The following EDIL3 variants were observed in gnomAD, a reference collection of about 807,000 sequenced individuals.
The protein encoded by EDIL3 is EGF-like repeat and discoidin I-like domain-containing protein 3.
A neutral mutation model predicts 67.4 loss-of-function variants in EDIL3; 37 were observed. The ratio of observed to expected loss-of-function variants is 0.55; its 90% CI spans 0.42 to 0.72. The LOEUF (loss-of-function observed/expected upper bound fraction) is 0.72, where lower values mean the gene tolerates loss of function less well. Ranked by LOEUF, EDIL3 falls within the 30% of genes least tolerant of loss-of-function variation. EDIL3 has a pLI of 0.00. For synonymous variants in EDIL3, 195 were observed against 196.3 expected, an observed-to-expected ratio of 0.99 and a Z score of 0.05; for missense variants, 527 against 586.3, an observed-to-expected ratio of 0.90 and a Z score of 1.04.
At chr5:84,022,141 G>T (rs1745728952) in intron 9 of EDIL3, among the ~76,000 whole-genome samples, 2 of 151,764 alleles carry the variant, frequency 1.3e-5, no homozygotes, top group South Asian at 4.1e-4. Context: ...AATTCATGAT[G>T]AATATAGATG....
rs142351985 is a variant in EDIL3 at position 84,240,703 on chromosome 5, C to T, written c.197-10819G>A. Among the ~76,000 whole-genome samples, 111 of 152,276 alleles carry T rather than the reference C, an allele frequency of 7.3e-4. 1 individual carries two copies. In the East Asian group the frequency reaches 0.021, roughly 29 times the overall value. On this transcript the variant is annotated intron_variant, in intron 2 of 10. Transcript: ENST00000296591. Reference sequence around the variant, plus strand: ...GGTCCATGGAAAAAATTGTCTTCCACGAAACTGGTTCCTGGTGCCAAAAAG... The same window carrying T: ...GGTCCATGGAAAAAATTGTCTTCCATGAAACTGGTTCCTGGTGCCAAAAAG...
chr5:84,238,154 T>C (rs1023215936), intron 2 of EDIL3, among the ~76,000 whole-genome samples: 9 of 152,146 alleles, frequency 5.9e-5, no homozygotes, highest in Non-Finnish European at 1.3e-4. Context: ...ACGGTGTGTG[T>C]GTGTGTGTAT....
At chr5:84,172,277 C>T (rs1029322580) in intron 4 of EDIL3, among the ~76,000 whole-genome samples, 11 of 152,052 alleles carry the variant, frequency 7.2e-5, no homozygotes, top group Admixed American at 2.0e-4. Flanking sequence ...TAAAAATTTA[C>T]GCAGTTTTTG....
intron 6 of EDIL3, among the ~76,000 whole-genome samples, chr5:84,082,202 ACC>A (rs1746983229): frequency 6.6e-6 from 1 of 152,178 alleles, no homozygotes. Context: ...AATACTCTAC[ACC>A]TTTCCATGTG....
intron 6 of EDIL3, among the ~76,000 whole-genome samples, chr5:84,068,580 A>G (rs965500231): frequency 1.3e-5 from 2 of 152,198 alleles, no homozygotes; most frequent in Non-Finnish European, 2.9e-5. Flanking sequence ...CTCTGCATAT[A>G]TATTTTAGGA....
At chr5:84,259,605 T>G (rs1745188013) in intron 1 of EDIL3, among the ~76,000 whole-genome samples, 1 of 152,210 alleles carries the variant, frequency 6.6e-6, no homozygotes, top group Non-Finnish European at 1.5e-5. Context: ...CATTGCAGGC[T>G]AAATTTAACT....
intron 3 of EDIL3, among the ~76,000 whole-genome samples, chr5:84,227,173 T>C (rs1313603821): frequency 6.6e-6 from 1 of 151,820 alleles, no homozygotes; most frequent in African/African-American, 2.4e-5. Flanking sequence ...TTAAGAAATA[T>C]GGACAGAAGA....
intron 10 of EDIL3, among the ~76,000 whole-genome samples, chr5:83,955,854 T>G (rs1470446700): frequency 6.6e-6 from 1 of 151,854 alleles, no homozygotes; most frequent in African/African-American, 2.4e-5. Flanking sequence ...AGTAAATGAT[T>G]CATTGTCCAA....
chr5:83,969,194 C>T (rs920075960), intron 9 of EDIL3, among the ~76,000 whole-genome samples: 1 of 151,096 alleles, frequency 6.6e-6, no homozygotes, highest in African/African-American at 2.4e-5. Flanking sequence ...TTATTTATAC[C>T]TAGTATGTCA....
intron 1 of EDIL3, among the ~76,000 whole-genome samples, chr5:84,300,579 T>G (rs1267914032): frequency 6.6e-6 from 1 of 152,200 alleles, no homozygotes; most frequent in Non-Finnish European, 1.5e-5. Context: ...TTATTTTATT[T>G]CCTAAGTCAA....
Position 84,000,266 on chromosome 5 carries a change from A to G in EDIL3, c.1138-36906T>C, listed in dbSNP as rs918141283. Among the ~76,000 whole-genome samples the G allele has an allele frequency of 3.3e-5, 5 of 152,168 alleles. No individual in the cohort carries two copies. In the East Asian group the frequency reaches 9.6e-4, roughly 29 times the overall value. ...CAACTACAGAATATTATAACACTGT[A>G]ATTGTAGTGTATAAACTACTTATAT... is the stretch of plus-strand genomic sequence containing the variant. On this transcript the variant is annotated intron_variant, in intron 9 of 10. Coordinates refer to ENST00000296591, the MANE Select transcript of EDIL3 (RefSeq NM_005711.5).
intron 5 of EDIL3, among the ~76,000 whole-genome samples, chr5:84,120,898 A>T (rs1032528412): frequency 2.0e-5 from 3 of 151,986 alleles, no homozygotes; most frequent in Admixed American, 6.6e-5. Flanking sequence ...AATAATGATA[A>T]TACTAAACAC....
intron 5 of EDIL3, 41 bp from the exon 6 acceptor site, chr5:84,106,871 C>G (rs771774488): frequency 6.4e-7 from 1 of 1,557,918 alleles, no homozygotes; most frequent in Non-Finnish European, 8.7e-7. Context: ...GTATTAGAAA[C>G]AATGCATATA....
chr5:84,301,556 A>T (rs1426005494), intron 1 of EDIL3, among the ~76,000 whole-genome samples: 3 of 152,178 alleles, frequency 2.0e-5, no homozygotes, highest in Non-Finnish European at 2.9e-5. Flanking sequence ...TTGCTAAAGT[A>T]TGTCAGCCTC....
intron 2 of EDIL3, among the ~76,000 whole-genome samples, chr5:84,247,814 A>G (rs1414773484): frequency 2.6e-5 from 4 of 152,062 alleles, no homozygotes; most frequent in South Asian, 2.1e-4. Context: ...AAGCCTGGCC[A>G]GATGTCAATG....
chr5:84,265,789 T>A (rs990757916), intron 1 of EDIL3, among the ~76,000 whole-genome samples: 1 of 152,234 alleles, frequency 6.6e-6, no homozygotes, highest in Non-Finnish European at 1.5e-5. Flanking sequence ...TATTCAGATT[T>A]AATGGCTATA....
chr5:84,384,404 G>A lies in EDIL3; in HGVS notation c.-30C>T, dbSNP rs1748178772. 2 of 1,611,318 alleles carry A rather than the reference G, an allele frequency of 1.2e-6. No homozygotes were observed. The highest frequency in any genetic ancestry group is 1.3e-5 in the African/African-American group (1 of 74,790). On this transcript the variant is annotated 5_prime_UTR_variant, in exon 1 of 11. Transcript: ENST00000296591. ...CCGTCTCCCGGACGTGACCCCGGCT[G>A]GTCAGGGGTCGTCGCGGAGGGCAGT...
At chr5:84,141,946 TACATAG>T (rs1472964299) in intron 4 of EDIL3, among the ~76,000 whole-genome samples, 11 of 132,394 alleles carry the variant, frequency 8.3e-5, no homozygotes, top group African/African-American at 2.9e-4. Flanking sequence ...TATATATATA[TACATAG>T]ATCTATCTAT....
intron 1 of EDIL3, among the ~76,000 whole-genome samples, chr5:84,292,160 AC>A (rs1290183501): frequency 6.6e-6 from 1 of 151,966 alleles, no homozygotes; most frequent in African/African-American, 2.4e-5. Context: ...TTTTTTAGCC[AC>A]CCTGTCTGTG....
Sources: allele counts gnomAD v4.1 joint callset (sites outside exome capture counted in the v4.1 genomes callset), GRCh38; gene constraint gnomAD v4.1.1; transcripts MANE v1.5; gene names NCBI Gene and HGNC (gene_info 2026-07-23, HGNC 2026-07-21).